The following SLC23A2 variants were observed in gnomAD, a reference collection of about 807,000 sequenced individuals.
The protein encoded by SLC23A2 is Na(+)/L-ascorbic acid transporter 2.
A neutral mutation model predicts 73.3 loss-of-function variants in SLC23A2; 36 were observed. That is an observed-to-expected ratio of 0.49 (90% CI 0.38 to 0.65). The LOEUF (loss-of-function observed/expected upper bound fraction) is 0.65, where lower values mean the gene tolerates loss of function less well. SLC23A2 is among the 30% of genes least tolerant of loss of function. The pLI is 0.00. For missense variants in SLC23A2, 507 were observed against 841.6 expected (o/e 0.60, Z 4.92); for synonymous variants, 343 against 327.3 (o/e 1.05, Z -0.52).
At chr20:5,005,396 T>A (rs1250062670), upstream of SLC23A2, among the ~76,000 whole-genome samples, 2 of 146,820 alleles carry the variant, frequency 1.4e-5, no homozygotes, top group South Asian at 2.1e-4. Flanking sequence ...ACAAACAAGG[T>A]TTTTTTTTCC....
intron 15 of SLC23A2, among the ~76,000 whole-genome samples, chr20:4,860,402 C>T (rs1025304523): frequency 4.6e-5 from 7 of 152,192 alleles, no homozygotes; most frequent in African/African-American, 1.7e-4. Context: ...GTCTGTCATA[C>T]CGTGTGCTTT....
chr20:4,954,224 C>T (rs988867663), intron 2 of SLC23A2, among the ~76,000 whole-genome samples: 2 of 152,098 alleles, frequency 1.3e-5, no homozygotes, highest in African/African-American at 4.8e-5. Context: ...GGCCCCATGT[C>T]CATATTAATT....
intron 6 of SLC23A2, among the ~76,000 whole-genome samples, chr20:4,888,534 G>A (rs1931192967): frequency 6.6e-6 from 1 of 152,076 alleles, no homozygotes; most frequent in Admixed American, 6.6e-5. Flanking sequence ...CCCATGTCGG[G>A]CTCCAGCCTC....
At chr20:4,917,584 A>C (rs935485637) in intron 3 of SLC23A2, among the ~76,000 whole-genome samples, 3 of 152,204 alleles carry the variant, frequency 2.0e-5, no homozygotes, top group African/African-American at 7.2e-5. Flanking sequence ...TCATCCAAAA[A>C]AGGAAGGTTT....
At chr20:4,897,144 C>T (rs1931564684) in intron 6 of SLC23A2, among the ~76,000 whole-genome samples, 1 of 152,220 alleles carries the variant, frequency 6.6e-6, no homozygotes, top group Admixed American at 6.5e-5. Context: ...ATAGACCAGT[C>T]ACTGAATATC....
At chr20:4,959,720 G>C (rs2087349941) in intron 2 of SLC23A2, among the ~76,000 whole-genome samples, 1 of 152,020 alleles carries the variant, frequency 6.6e-6, no homozygotes, top group South Asian at 2.1e-4. Flanking sequence ...CTCTTGCCCG[G>C]GCTCAAGCAA....
At chr20:4,980,626 G>A (rs12626067) in intron 1 of SLC23A2, among the ~76,000 whole-genome samples, 1 of 151,694 alleles carries the variant, frequency 6.6e-6, no homozygotes, top group Non-Finnish European at 1.5e-5. Context: ...CCGCCTCCCA[G>A]TTCAAGTGAT....
chr20:4,858,052 T>C (rs1300024272), intron 16 of SLC23A2, among the ~76,000 whole-genome samples: 2 of 152,186 alleles, frequency 1.3e-5, no homozygotes, highest in Non-Finnish European at 2.9e-5. Flanking sequence ...AAAACAGGGC[T>C]GAATCTTTAT....
intron 6 of SLC23A2, among the ~76,000 whole-genome samples, chr20:4,897,638 C>A (rs557926570): frequency 2.0e-4 from 30 of 152,326 alleles, no homozygotes; most frequent in African/African-American, 7.0e-4. Flanking sequence ...CCAGGTAGTT[C>A]TGTTTAGGTC....
At chr20:5,003,500 C>T (rs906167737), upstream of SLC23A2, among the ~76,000 whole-genome samples, 1 of 151,800 alleles carries the variant, frequency 6.6e-6, no homozygotes, top group Non-Finnish European at 1.5e-5. Context: ...GAGCATAGAG[C>T]GTATTCCAGC....
At chr20:4,973,565 T>C (rs1000126117) in intron 1 of SLC23A2, among the ~76,000 whole-genome samples, 2 of 152,194 alleles carry the variant, frequency 1.3e-5, no homozygotes, top group Non-Finnish European at 2.9e-5. Context: ...GAAAGGAATC[T>C]CTGAGGAAGG....
chr20:4,868,057 CAGAAA>C lies in SLC23A2; in HGVS notation c.1251-187_1251-183del, dbSNP rs1405538902. On this transcript the variant is annotated intron_variant, in intron 12 of 16. Coordinates refer to ENST00000338244, the MANE Select transcript of SLC23A2 (RefSeq NM_005116.6). The surrounding 1 kb of genome is among the most constrained non-coding windows in gnomAD (Gnocchi z 4.4). Reference sequence around the variant, plus strand: ...AGACCCCACCCCAGACCTGCTGAAGCAGAAAAGAATCTGCATTTTTTTTTTTTTTT... The same window carrying C: ...AGACCCCACCCCAGACCTGCTGAAGCAGAATCTGCATTTTTTTTTTTTTTT... 2.7e-5 allele frequency among the ~76,000 whole-genome samples: 4 copies of C among 146,872 alleles called. No individual in the cohort carries two copies. Among genetic ancestry groups the C allele is most frequent in the African/African-American group, 1.0e-4 (4 of 39,228 alleles).
chr20:4,952,102 T>TAA (rs2087211913), intron 2 of SLC23A2, among the ~76,000 whole-genome samples: 1 of 22,130 alleles, frequency 4.5e-5, no homozygotes, highest in Non-Finnish European at 8.3e-5. Context: ...AGACTCTGAC[T>TAA]CAAAAAAAAA....
At chr20:4,980,209 GA>G (rs907238652) in intron 1 of SLC23A2, among the ~76,000 whole-genome samples, 2 of 152,118 alleles carry the variant, frequency 1.3e-5, no homozygotes, top group Admixed American at 1.3e-4. Flanking sequence ...TAAAGTCTTA[GA>G]AATGCAAATG....
chr20:4,885,738 C>A, intron 7 of SLC23A2, 83 bp downstream of exon 7: 2 of 954,050 alleles, frequency 2.1e-6, no homozygotes, highest in Non-Finnish European at 3.4e-6. Context: ...GGATTTAGCG[C>A]TGCTGAGGGC....
At chr20:4,898,269 G>A (rs1931621813) in intron 6 of SLC23A2, among the ~76,000 whole-genome samples, 1 of 152,186 alleles carries the variant, frequency 6.6e-6, no homozygotes. Flanking sequence ...CAGCCCCAAA[G>A]CCTTTAGTCC....
intron 1 of SLC23A2, among the ~76,000 whole-genome samples, chr20:4,986,644 A>C (rs935196694): frequency 1.4e-5 from 1 of 73,590 alleles, no homozygotes; most frequent in African/African-American, 4.7e-5. Flanking sequence ...ACATACATAC[A>C]CACATACACA....
chr20:4,909,287 G>C (rs1932061784), intron 4 of SLC23A2, among the ~76,000 whole-genome samples: 1 of 152,088 alleles, frequency 6.6e-6, no homozygotes, highest in Non-Finnish European at 1.5e-5. Flanking sequence ...CATTTCCTTT[G>C]AGCATCATGT....
chr20:4,921,469 C>G (rs1464098780), intron 3 of SLC23A2, among the ~76,000 whole-genome samples: 1 of 151,994 alleles, frequency 6.6e-6, no homozygotes, highest in African/African-American at 2.4e-5. Flanking sequence ...GCCTGTAGTC[C>G]CAGCTACCCA....
Sources: allele counts gnomAD v4.1 joint callset (sites outside exome capture counted in the v4.1 genomes callset), GRCh38; gene constraint gnomAD v4.1.1; non-coding constraint Gnocchi (gnomAD v3.1); transcripts MANE v1.5; gene names NCBI Gene and HGNC (gene_info 2026-07-23, HGNC 2026-07-21).